MAPK8IP2: variants seen among roughly 807,000 people sequenced by gnomAD.
The protein encoded by MAPK8IP2 is mitogen-activated protein kinase 8 interacting protein 2.
A neutral mutation model predicts 75.6 loss-of-function variants in MAPK8IP2; 15 were observed. The observed-to-expected ratio is 0.20, with a 90% CI of 0.13 to 0.31. The LOEUF (loss-of-function observed/expected upper bound fraction) is 0.31, where lower values mean the gene tolerates loss of function less well. MAPK8IP2 is among the 10% of genes least tolerant of loss of function. The probability of loss-of-function intolerance (pLI) is 1.00; values close to 1 mark genes in which losing one functional copy is unlikely to be tolerated. For synonymous variants in MAPK8IP2, 632 were observed against 554.5 expected (o/e 1.14, Z -1.96); for missense variants, 1,089 against 1,211.2 (o/e 0.90, Z 1.50).
At chr22:50,603,167 C>T (rs1391014254) in intron 2 of MAPK8IP2, 56 bp from the exon 3 acceptor site, 2 of 1,611,108 alleles carry the variant, frequency 1.2e-6, no homozygotes, top group Admixed American at 1.7e-5. Context: ...AGCACCTGGG[C>T]CCCTGGGCTA....
chr22:50,603,862 C>T lies in MAPK8IP2; in HGVS notation c.563C>T (p.Ala188Val). 1 of 1,532,820 alleles carries T rather than the reference C, an allele frequency of 6.5e-7. No homozygotes were observed. 95.0% of individuals were successfully genotyped at this position (1,532,820 alleles called of 1,614,324 possible). A position where few individuals can be genotyped will look rare whatever the true frequency, so the allele number is the denominator to read the frequency against. The part of the protein sequence containing the change: ...ALRELPGPLP[A>V]TDTGPGGAQS... The stretch of plus-strand genomic sequence containing the variant: ...GCAGAGCTCCCGGGCCCCCTCCCTG[C>T]CACGGACACCGGGCCCGGCGGGGCG... Residue 188 changes from alanine (A) to valine (V), a missense_variant, in exon 5 of 12, where the codon GCC becomes GTC. By Grantham distance (64) the Ala-to-Val change is moderately conservative. Transcript: ENST00000329492.
chr22:50,608,718 GGC>G, intron 10 of MAPK8IP2, among the ~76,000 whole-genome samples: 2 of 148,078 alleles, frequency 1.4e-5, no homozygotes, highest in Non-Finnish European at 3.0e-5. Flanking sequence ...TGGGACAGTG[GGC>G]ACGGGCGCAG....
At chr22:50,609,788 A>T (rs2071115976) in intron 10 of MAPK8IP2, 2 of 519,284 alleles carry the variant, frequency 3.9e-6, no homozygotes, top group South Asian at 2.8e-5. Context: ...ACCAGGGGTA[A>T]CGTCCAGCCC....
At chr22:50,608,212 G>A (rs1269145398) in intron 10 of MAPK8IP2, among the ~76,000 whole-genome samples, 1 of 152,260 alleles carries the variant, frequency 6.6e-6, no homozygotes, top group African/African-American at 2.4e-5. Context: ...CGAGTGCAGA[G>A]ATGGTCTGAT....
At position 50,611,667 on chromosome 22, in the gene MAPK8IP2, C is replaced by G. The variant is rs920239554; in HGVS notation, c.*888C>G. 6.6e-6 allele frequency: 1 copy of G among 152,316 alleles called. No individual in the cohort carries two copies. Among genetic ancestry groups the G allele is most frequent in the Non-Finnish European group, 1.5e-5 (1 of 68,140 alleles). The allele number at this position is 152,316 out of a possible 1,614,324, so 9.4% of individuals were successfully genotyped here. On this transcript the variant is annotated 3_prime_UTR_variant, in exon 12 of 12. Transcript: ENST00000329492. This position sits in a 1 kb window ranked among gnomAD's most constrained non-coding sequence, Gnocchi z 5.5. The stretch of plus-strand genomic sequence containing the variant: ...TTGTGGCAATCTCACCCTTTTAGCT[C>G]TTTCCGAAATTGTGCCGGGGGTCCC...
chr22:50,606,982 G>A lies in MAPK8IP2; in HGVS notation c.2294G>A (p.Arg765His), dbSNP rs368151558. ...ATCTCCTTCTGCGGCTGCCATCCCC[G>A]CAACAGCTGGTGAGAGTCTGACCGT... ...KNISFCGCHP[R>H]NSCYFGFITK... Residue 765 changes from arginine (R) to histidine (H), a missense_variant, in exon 10 of 12, where the codon CGC becomes CAC. Physicochemically the swap from Arg to His is conservative, Grantham distance 29 (BLOSUM62 0). Around this residue, in one of 2 missense-constraint regions of MAPK8IP2, gnomAD observed 129 missense variants for 201.7 expected, o/e 0.64. Coordinates refer to ENST00000329492, the MANE Select transcript of MAPK8IP2 (RefSeq NM_012324.6). The A allele has an allele frequency of 2.5e-6, 4 of 1,613,294 alleles. No individual in the cohort carries two copies. The highest frequency in any genetic ancestry group is 1.1e-5 in the South Asian group (1 of 91,066).
intron 2 of MAPK8IP2, 106 bp from the exon 3 acceptor site, chr22:50,603,113 AAGGG>A: frequency 6.3e-7 from 1 of 1,587,010 alleles, no homozygotes; most frequent in African/African-American, 1.3e-5. Context: ...AGTGAGCTGG[AAGGG>A]GCTCTCCTTT....
chr22:50,609,056 C>G (rs2071101259), intron 10 of MAPK8IP2, among the ~76,000 whole-genome samples: 1 of 152,012 alleles, frequency 6.6e-6, no homozygotes, highest in African/African-American at 2.4e-5. Flanking sequence ...AGCTGCTGCC[C>G]TGGCCCAGAC....
Position 50,605,906 on chromosome 22 carries a change from A to G in MAPK8IP2, c.2096A>G (p.Asn699Ser), listed in dbSNP as rs2071042381. Residue 699 changes from asparagine to serine, a missense_variant, in exon 8 of 12, where the codon AAC becomes AGC. This residue lies in a region of MAPK8IP2 where 129 missense variants were observed against 201.7 expected (regional missense o/e 0.64). Transcript: ENST00000329492. ...GSVEVPCHQG[N>S]GILCAAMQKI... ...GTGGAGGTGCCCTGCCACCAGGGCAACGGCATCCTGTGTGCAGCCATGCAG... is the reference window on the plus strand; with the variant it reads ...GTGGAGGTGCCCTGCCACCAGGGCAGCGGCATCCTGTGTGCAGCCATGCAG... 1.3e-6 allele frequency: 2 copies of G among 1,583,222 alleles called. No individual in the cohort carries two copies. Among genetic ancestry groups the G allele is most frequent in the Non-Finnish European group, 1.7e-6 (2 of 1,166,530 alleles).
intron 2 of MAPK8IP2, 144 bp from the exon 3 acceptor site, chr22:50,603,079 A>G: frequency 1.9e-5 from 29 of 1,526,194 alleles, no homozygotes; most frequent in Non-Finnish European, 2.6e-5. Context: ...TTTTGAAAAC[A>G]TCGCCCTGTA....
chr22:50,602,770 G>T (rs774908105), intron 2 of MAPK8IP2, among the ~76,000 whole-genome samples: 5 of 152,326 alleles, frequency 3.3e-5, no homozygotes, highest in Non-Finnish European at 7.4e-5. Context: ...TCTGTTTGAT[G>T]TTTACTGAAC....
Position 50,603,327 on chromosome 22 carries a change from T to TGAGGAC in MAPK8IP2, c.282_287dup (p.Asp94_Glu95dup). 1 of 1,560,118 alleles carries TGAGGAC rather than the reference T, an allele frequency of 6.4e-7. No individual in the cohort carries two copies. The highest frequency in any genetic ancestry group is 1.7e-4 in the Middle Eastern group (1 of 5,994). ...TCGATGACAATGAAGAGGAGGACGA[T>TGAGGAC]GAGGACGAGGAAGAGGAGGAGGAGG... is the stretch of plus-strand genomic sequence containing the variant. On this transcript the variant is annotated inframe_insertion, in exon 3 of 12. Transcript: ENST00000329492.
chr22:50,613,375 G>A lies in MAPK8IP2; in HGVS notation c.*2596G>A, dbSNP rs1196323771. 6.5e-6 allele frequency: 1 copy of A among 152,786 alleles called. No homozygotes were observed. The highest frequency in any genetic ancestry group is 2.4e-5 in the African/African-American group (1 of 41,382). 9.5% of individuals were successfully genotyped at this position (152,786 alleles called of 1,614,324 possible). ...CCCAGTCACCTGAGCTGCAGGCCTT[G>A]GTCACCCCAGACTCCTCCCTCCTGT... On this transcript the variant is annotated 3_prime_UTR_variant, in exon 12 of 12. Coordinates refer to ENST00000329492, the MANE Select transcript of MAPK8IP2 (RefSeq NM_012324.6).
chr22:50,605,955 A>G (rs2071042929), intron 8 of MAPK8IP2, 21 bp downstream of exon 8: 1 of 1,539,732 alleles, frequency 6.5e-7, no homozygotes, highest in African/African-American at 1.4e-5. Context: ...AGGCCGGGCA[A>G]GTGCAGGCTG....
At position 50,604,154 on chromosome 22, in the gene MAPK8IP2, C is replaced by T; in HGVS notation, c.855C>T (p.Ser285=). The T allele has an allele frequency of 4.5e-6, 7 of 1,552,814 alleles. No homozygotes were observed. Among genetic ancestry groups the T allele is most frequent in the Non-Finnish European group, 6.0e-6 (7 of 1,158,160 alleles). ...AGCTGAGCAGCGATGGCGGAAGCAG[C>T]AGCAGCGGCCGCTCCTCGCACCTCA... ...ELELSSDGGS[S]SSGRSSHLTN... The change falls in exon 5 of 12, where the codon AGC becomes AGT. Residue 285 remains serine (S), a synonymous_variant. Transcript: ENST00000329492.
At chr22:50,603,801 G>A in intron 4 of MAPK8IP2, 40 bp from the exon 5 acceptor site, 2 of 1,533,090 alleles carry the variant, frequency 1.3e-6, no homozygotes, top group Non-Finnish European at 1.8e-6. Flanking sequence ...AAGAGGCCTG[G>A]GTGGTGCAGA....
Position 50,606,688 on chromosome 22 carries a change from C to A in MAPK8IP2, c.2155C>A (p.Leu719Met). The part of the protein sequence containing the change: ...IATARKLTVH[L>M]RPPASCDLEI... ...CACTGCCCGGAAACTGACCGTCCAC[C>A]TGCGCCCTCCTGCCTCCTGTGACCT... The change falls in exon 9 of 12, where the codon CTG (leucine) becomes ATG (methionine). Residue 719 changes from leucine (L) to methionine (M), a missense_variant. This residue lies in a region of MAPK8IP2 where 129 missense variants were observed against 201.7 expected (regional missense o/e 0.64). Transcript: ENST00000329492. The A allele has an allele frequency of 6.3e-7, 1 of 1,597,810 alleles. No homozygotes were observed. Among genetic ancestry groups the A allele is most frequent in the East Asian group, 2.3e-5 (1 of 44,146 alleles).
chr22:50,611,090 C>T lies in MAPK8IP2; in HGVS notation c.*311C>T, dbSNP rs1034855236. The T allele has an allele frequency of 1.8e-5, 6 of 336,688 alleles. No individual in the cohort carries two copies. The highest frequency in any genetic ancestry group is 4.2e-5 in the African/African-American group (2 of 47,138). 20.9% of individuals were successfully genotyped at this position (336,688 alleles called of 1,614,324 possible). On this transcript the variant is annotated 3_prime_UTR_variant, in exon 12 of 12. Coordinates refer to ENST00000329492, the MANE Select transcript of MAPK8IP2 (RefSeq NM_012324.6). The surrounding 1 kb of genome is among the most constrained non-coding windows in gnomAD (Gnocchi z 5.5). ...CTCTGCCCCTCTCTGTGCCTGCAAA[C>T]CTTATCCTCTATTCTTCACTTTGGG...
chr22:50,605,874 G>C lies in MAPK8IP2; in HGVS notation c.2064G>C (p.Leu688=). ...TGGAGCGCTTTGACGTGCAGTTCCT[G>C]GGCTCCGTGGAGGTGCCCTGCCACC... The part of the protein sequence containing the change: ...CWVERFDVQF[L]GSVEVPCHQG... The change falls in exon 8 of 12, where the codon CTG becomes CTC. Residue 688 remains leucine (L), a synonymous_variant. Coordinates refer to ENST00000329492, the MANE Select transcript of MAPK8IP2 (RefSeq NM_012324.6). 6.3e-7 allele frequency: 1 copy of C among 1,587,830 alleles called. No homozygotes were observed. The highest frequency in any genetic ancestry group is 8.6e-7 in the Non-Finnish European group (1 of 1,168,488).
Sources: allele counts gnomAD v4.1 joint callset (sites outside exome capture counted in the v4.1 genomes callset), GRCh38; gene constraint gnomAD v4.1.1; regional missense constraint gnomAD v4.1.1; non-coding constraint Gnocchi (gnomAD v3.1); transcripts MANE v1.5; gene names NCBI Gene and HGNC (gene_info 2026-07-23, HGNC 2026-07-21).